PTPRT: variants seen among roughly 807,000 people sequenced by gnomAD.
The protein encoded by PTPRT is protein tyrosine phosphatase receptor type T.
In PTPRT, 56 loss-of-function variants were observed where a neutral mutation model predicts 176.8. The observed-to-expected ratio is 0.32, with a 90% CI of 0.26 to 0.40. The LOEUF (loss-of-function observed/expected upper bound fraction) is 0.40. Among genes scored for constraint, PTPRT ranks in the 10% least tolerant of loss-of-function variants. The pLI is 1.00. For synonymous variants in PTPRT, 783 were observed against 739.0 expected (o/e 1.06, Z -0.96); for missense variants, 1,540 against 1,908.2 (o/e 0.81, Z 3.60).
chr20:42,083,271 G>C (rs1983542897), intron 29 of PTPRT, among the ~76,000 whole-genome samples: 1 of 152,152 alleles, frequency 6.6e-6, no homozygotes, highest in African/African-American at 2.4e-5. Flanking sequence ...CTCAGGGCCT[G>C]GTGGTGTGAG....
chr20:42,747,564 G>T lies in PTPRT; in HGVS notation c.859+8898C>A, dbSNP rs567580863. 4.6e-5 allele frequency among the ~76,000 whole-genome samples: 7 copies of T among 152,292 alleles called. No individual in the cohort carries two copies. In the South Asian group the frequency reaches 1.2e-3, roughly 27 times the overall value. On this transcript the variant is annotated intron_variant, in intron 6 of 30. Coordinates refer to ENST00000373187, the MANE Select transcript of PTPRT (RefSeq NM_007050.6). ...GGGGGAGAGTGTTATTTCAGATAAGGTAATCAGAGGGGGCCTCTCTGAGAA... is the reference window on the plus strand; with the variant it reads ...GGGGGAGAGTGTTATTTCAGATAAGTTAATCAGAGGGGGCCTCTCTGAGAA...
chr20:42,156,989 A>G (rs376763797), intron 17 of PTPRT, among the ~76,000 whole-genome samples: 15 of 152,300 alleles, frequency 9.8e-5, no homozygotes, highest in African/African-American at 3.6e-4. Context: ...GTAAAAGCCA[A>G]AGTCCTTATA....
At chr20:42,946,877 C>T (rs1489053737) in intron 1 of PTPRT, among the ~76,000 whole-genome samples, 1 of 152,098 alleles carries the variant, frequency 6.6e-6, no homozygotes, top group Non-Finnish European at 1.5e-5. Flanking sequence ...TTTTTAGCAA[C>T]ATCCCTGGTC....
chr20:42,356,238 A>G (rs2058356594), intron 9 of PTPRT, among the ~76,000 whole-genome samples: 2 of 152,146 alleles, frequency 1.3e-5, no homozygotes, highest in Non-Finnish European at 1.5e-5. Context: ...TAGAATAGCA[A>G]ACATAAAATA....
intron 16 of PTPRT, among the ~76,000 whole-genome samples, chr20:42,178,095 AC>A (rs1444677216): frequency 1.3e-5 from 2 of 151,584 alleles, no homozygotes; most frequent in Non-Finnish European, 2.9e-5. Context: ...CTGCCACCAC[AC>A]CCGGCTAATT....
chr20:42,281,047 CTG>C (rs1055058407), intron 13 of PTPRT, among the ~76,000 whole-genome samples: 1 of 152,142 alleles, frequency 6.6e-6, no homozygotes, highest in African/African-American at 2.4e-5. Flanking sequence ...GGAGCTTTCT[CTG>C]TGAGTTTCCT....
At chr20:42,335,512 C>A (rs763474) in intron 11 of PTPRT, among the ~76,000 whole-genome samples, 60,857 of 151,910 alleles carry the variant, frequency 0.4, 12,395 homozygotes, top group East Asian at 0.44. Context: ...AAATCAAAAT[C>A]ATATCCTGAG....
intron 1 of PTPRT, among the ~76,000 whole-genome samples, chr20:43,110,963 G>T (rs73103997): frequency 2.6e-5 from 4 of 152,142 alleles, no homozygotes; most frequent in Non-Finnish European, 5.9e-5. Context: ...CAATGTGGGT[G>T]GGGGGAGAGA....
chr20:42,428,852 A>G (rs564461850), intron 9 of PTPRT, among the ~76,000 whole-genome samples: 92 of 152,214 alleles, frequency 6.0e-4, no homozygotes, highest in Admixed American at 1.6e-3. Context: ...GACACCATGT[A>G]GACTACATGG....
At chr20:42,203,592 C>A (rs1378620506) in intron 15 of PTPRT, among the ~76,000 whole-genome samples, 1 of 152,246 alleles carries the variant, frequency 6.6e-6, no homozygotes, top group Non-Finnish European at 1.5e-5. Flanking sequence ...TCTCCCTGCT[C>A]TTCTACATAG....
intron 7 of PTPRT, among the ~76,000 whole-genome samples, chr20:42,506,881 T>G (rs974030795): frequency 2.0e-5 from 3 of 152,182 alleles, no homozygotes; most frequent in Non-Finnish European, 4.4e-5. Flanking sequence ...GCTATGCCTG[T>G]GCCCTGTCCT....
Position 42,110,403 on chromosome 20 carries a change from G to A in PTPRT, c.3184C>T (p.Leu1062Phe), listed in dbSNP as rs1986902403. 3.7e-6 allele frequency: 6 copies of A among 1,612,854 alleles called. No individual in the cohort carries two copies. The highest frequency in any genetic ancestry group is 5.1e-6 in the Non-Finnish European group (6 of 1,179,006). ...TTGACCTGGCGGACGAAGCCCAGAA[G>A]GCCAGTGGCATAGCAGGGAACGCCG... Reference protein sequence around the residue: ...DHGVPCYATGLLGFVRQVKFL... With the variant: ...DHGVPCYATGFLGFVRQVKFL... Residue 1062 changes from leucine to phenylalanine, a missense_variant, in exon 23 of 31, where the codon CTT becomes TTT. Physicochemically the swap from Leu to Phe is conservative, Grantham distance 22. This residue lies in a region of PTPRT where 248 missense variants were observed against 356.7 expected (regional missense o/e 0.70). Coordinates refer to ENST00000373187, the MANE Select transcript of PTPRT (RefSeq NM_007050.6).
At chr20:42,983,060 G>A (rs1017706123) in intron 1 of PTPRT, among the ~76,000 whole-genome samples, 3 of 152,270 alleles carry the variant, frequency 2.0e-5, no homozygotes, top group Non-Finnish European at 1.5e-5. Flanking sequence ...GGCTGGCTCC[G>A]GTGGCTCCTT....
At chr20:42,336,725 A>G (rs1568786811) in intron 11 of PTPRT, among the ~76,000 whole-genome samples, 1 of 152,200 alleles carries the variant, frequency 6.6e-6, no homozygotes, top group Non-Finnish European at 1.5e-5. Flanking sequence ...ACTGGAAATG[A>G]CCCAAATTTT....
intron 15 of PTPRT, among the ~76,000 whole-genome samples, chr20:42,235,819 T>G (rs555475191): frequency 6.6e-6 from 1 of 152,310 alleles, no homozygotes; most frequent in African/African-American, 2.4e-5. Flanking sequence ...TTTCTAAACT[T>G]TGAGCCCCCA....
At chr20:43,015,742 A>G (rs1297993319) in intron 1 of PTPRT, among the ~76,000 whole-genome samples, 2 of 152,148 alleles carry the variant, frequency 1.3e-5, no homozygotes, top group Non-Finnish European at 2.9e-5. Flanking sequence ...AAATCACACC[A>G]GTCACAGCAC....
chr20:42,096,030 C>A (rs1444593055), intron 27 of PTPRT, among the ~76,000 whole-genome samples: 1 of 152,146 alleles, frequency 6.6e-6, no homozygotes, highest in Non-Finnish European at 1.5e-5. Flanking sequence ...CCATTATCTG[C>A]AACTTTCCTT....
At chr20:42,292,756 A>G (rs1030650105) in intron 12 of PTPRT, among the ~76,000 whole-genome samples, 1 of 152,160 alleles carries the variant, frequency 6.6e-6, no homozygotes, top group African/African-American at 2.4e-5. Context: ...ATATTACAAA[A>G]TTCTGTTTGA....
chr20:42,207,232 C>T (rs1021960340), intron 15 of PTPRT, among the ~76,000 whole-genome samples: 6 of 152,150 alleles, frequency 3.9e-5, no homozygotes, highest in African/African-American at 9.7e-5. Context: ...AAACGCAGAG[C>T]GCCTCTCCTC....
Sources: allele counts gnomAD v4.1 joint callset (sites outside exome capture counted in the v4.1 genomes callset), GRCh38; gene constraint gnomAD v4.1.1; regional missense constraint gnomAD v4.1.1; transcripts MANE v1.5; gene names NCBI Gene and HGNC (gene_info 2026-07-23, HGNC 2026-07-21).